RASGRF1: variants seen among roughly 807,000 people sequenced by gnomAD.
RASGRF1 encodes ras-specific guanine nucleotide-releasing factor 1.
In RASGRF1, 40 loss-of-function variants were observed where a neutral mutation model predicts 138.7. That is an observed-to-expected ratio of 0.29 (90% CI 0.22 to 0.38). The LOEUF is 0.38. Ranked by LOEUF, RASGRF1 falls within the 10% of genes least tolerant of loss-of-function variation. The probability of loss-of-function intolerance (pLI) is 1.00; values close to 1 mark genes in which losing one functional copy is unlikely to be tolerated. For synonymous variants in RASGRF1, 614 were observed against 663.2 expected (o/e 0.93, Z 1.14); for missense variants, 1,108 against 1,650.4 (o/e 0.67, Z 5.69).
intron 26 of RASGRF1, among the ~76,000 whole-genome samples, chr15:78,970,965 C>A (rs193050169): frequency 6.6e-6 from 1 of 152,214 alleles, no homozygotes. Context: ...CTTTTAGGAT[C>A]CCACCAGTTC....
intron 10 of RASGRF1, among the ~76,000 whole-genome samples, chr15:79,025,037 AGGCCCTCTGG>A (rs1595914161): frequency 6.6e-6 from 1 of 150,808 alleles, no homozygotes; most frequent in Non-Finnish European, 1.5e-5. Flanking sequence ...GGGTCTGTCC[AGGCCCTCTGG>A]CTCCTCTGCC....
intron 5 of RASGRF1, among the ~76,000 whole-genome samples, chr15:79,043,775 A>G (rs7166486): frequency 0.044 from 6,700 of 152,266 alleles, 505 homozygotes; most frequent in African/African-American, 0.15. Context: ...GCAGGCATGC[A>G]CACTGCCCAG....
At chr15:78,963,000 G>A (rs1331887397) in intron 26 of RASGRF1, among the ~76,000 whole-genome samples, 1 of 152,234 alleles carries the variant, frequency 6.6e-6, no homozygotes, top group East Asian at 1.9e-4. Flanking sequence ...AATGGAGGCT[G>A]TGTGAGAGAA....
chr15:78,979,479 C>T (rs367833375), intron 24 of RASGRF1, among the ~76,000 whole-genome samples: 2 of 152,098 alleles, frequency 1.3e-5, no homozygotes, highest in Admixed American at 6.5e-5. Flanking sequence ...TATAGGGAAC[C>T]GGGACCCCAG....
chr15:79,067,218 G>A (rs749878813), intron 1 of RASGRF1, among the ~76,000 whole-genome samples: 4 of 152,110 alleles, frequency 2.6e-5, no homozygotes, highest in Admixed American at 1.3e-4. Context: ...GGGCCAGGGC[G>A]AGCTCTGGGA....
At position 79,044,057 on chromosome 15, in the gene RASGRF1, A is replaced by G. The variant is rs557707094; in HGVS notation, c.878+2689T>C. 4.6e-5 allele frequency among the ~76,000 whole-genome samples: 7 copies of G among 152,316 alleles called. No individual in the cohort carries two copies. The South Asian group carries it at 1.5e-3, about 32-fold the overall frequency. On this transcript the variant is annotated intron_variant, in intron 5 of 26. Coordinates refer to ENST00000558480, the MANE Select transcript of RASGRF1 (RefSeq NM_001145648.3). ...GGATGCAAACATGTGCTGGGCAGTCATGCCTGCTCAGGCCCTGGAATCCCT... is the reference window on the plus strand; with the variant it reads ...GGATGCAAACATGTGCTGGGCAGTCGTGCCTGCTCAGGCCCTGGAATCCCT...
At chr15:79,017,934 A>G (rs772313021) in intron 11 of RASGRF1, 28 bp from the exon 12 acceptor site, 7 of 1,610,876 alleles carry the variant, frequency 4.3e-6, no homozygotes, top group Admixed American at 1.7e-5. Context: ...TAAAGTTAGC[A>G]GCATGAATGT....
rs28436162 is a variant in RASGRF1, at chr15:79,062,417, C to A, written c.383+2003G>T. On this transcript the variant is annotated intron_variant, in intron 2 of 26. Coordinates refer to ENST00000558480, the MANE Select transcript of RASGRF1 (RefSeq NM_001145648.3). ...CATGCTACTCCCCTTGTATAAAACCCTCAATGGCTTCCCACCGTTCACAGG... is the reference window on the plus strand; with the variant it reads ...CATGCTACTCCCCTTGTATAAAACCATCAATGGCTTCCCACCGTTCACAGG... Among the ~76,000 whole-genome samples, 1,244 of 152,282 alleles carry A rather than the reference C, an allele frequency of 8.2e-3. 17 individuals are homozygous for A. Among genetic ancestry groups the A allele is most frequent in the African/African-American group, 0.029 (1,200 of 41,556 alleles).
intron 1 of RASGRF1, among the ~76,000 whole-genome samples, chr15:79,085,139 T>C (rs145872640): frequency 2.1e-3 from 319 of 152,338 alleles, no homozygotes; most frequent in African/African-American, 7.2e-3. Context: ...ATCAGCTGTA[T>C]GAATGAAGAG....
intron 6 of RASGRF1, among the ~76,000 whole-genome samples, chr15:79,034,767 G>A (rs2057194580): frequency 6.6e-6 from 1 of 152,136 alleles, no homozygotes; most frequent in Non-Finnish European, 1.5e-5. Flanking sequence ...CAAGATCTAT[G>A]CACAGAAAAA....
At chr15:78,965,097 C>G (rs1441157027) in intron 26 of RASGRF1, among the ~76,000 whole-genome samples, 1 of 152,146 alleles carries the variant, frequency 6.6e-6, no homozygotes. Flanking sequence ...TTTGCCTCAA[C>G]TAAGTGTTTA....
At chr15:78,976,584 A>ACACACACACACC (rs145374777) in intron 24 of RASGRF1, among the ~76,000 whole-genome samples, 3 of 151,622 alleles carry the variant, frequency 2.0e-5, no homozygotes, top group Non-Finnish European at 4.4e-5. Flanking sequence ...ACACACACAC[A>ACACACACACACC]CCCATCCGAA....
chr15:79,051,417 A>G (rs971539777), intron 3 of RASGRF1, among the ~76,000 whole-genome samples: 6 of 149,786 alleles, frequency 4.0e-5, no homozygotes, highest in African/African-American at 1.2e-4. Context: ...TGAAATGATG[A>G]CTGATTCTTT....
At chr15:79,025,874 A>G (rs2057040190) in intron 9 of RASGRF1, among the ~76,000 whole-genome samples, 1 of 151,294 alleles carries the variant, frequency 6.6e-6, no homozygotes, top group African/African-American at 2.4e-5. Flanking sequence ...GGAACTACTT[A>G]GGGCAAACCC....
At chr15:79,016,213 A>G (rs1043010147) in intron 12 of RASGRF1, among the ~76,000 whole-genome samples, 1 of 152,252 alleles carries the variant, frequency 6.6e-6, no homozygotes. Flanking sequence ...TCTGGTTTTG[A>G]GAATGTGTGT....
rs1043342740 is a variant in RASGRF1, at chr15:78,967,463, G to A, written c.3681+4403C>T. ...TTCAGGAGGGTGAGGTAGGAGGATC[G>A]CTTGAACCTCATGAGGTCGAGGCTA... On this transcript the variant is annotated intron_variant, in intron 26 of 26. Transcript: ENST00000558480. Among the ~76,000 whole-genome samples, 8 of 151,944 alleles carry A rather than the reference G, an allele frequency of 5.3e-5. No individual in the cohort carries two copies. The South Asian group carries it at 1.2e-3, about 24-fold the overall frequency.
intron 26 of RASGRF1, 124 bp downstream of exon 26, chr15:78,971,742 T>A: frequency 1.1e-6 from 1 of 918,300 alleles, no homozygotes; most frequent in Non-Finnish European, 1.8e-6. Context: ...GGGATGGCAT[T>A]TGAGCTGGGC....
chr15:78,984,071 T>C (rs1009803996), intron 23 of RASGRF1, among the ~76,000 whole-genome samples: 1 of 151,968 alleles, frequency 6.6e-6, no homozygotes, highest in African/African-American at 2.4e-5. Flanking sequence ...TGACCTGCCA[T>C]TGACATGAGG....
At chr15:78,992,590 G>A (rs1056565952) in intron 20 of RASGRF1, among the ~76,000 whole-genome samples, 5 of 152,190 alleles carry the variant, frequency 3.3e-5, no homozygotes, top group African/African-American at 1.2e-4. Context: ...CTTGGGAGGA[G>A]CCTGTTAGGA....
Sources: gnomAD v4.1 joint callset for allele counts (sites outside exome capture counted in the v4.1 genomes callset) on GRCh38, gnomAD v4.1.1 for gene constraint, MANE v1.5 for transcripts, NCBI Gene and HGNC (gene_info 2026-07-23, HGNC 2026-07-21) for gene names.